UQCRH: variants seen among roughly 807,000 people sequenced by gnomAD.
The protein encoded by UQCRH is ubiquinol-cytochrome c reductase hinge protein.
In UQCRH, 14 loss-of-function variants were observed where a neutral mutation model predicts 16.3. The observed-to-expected ratio is 0.86, with a 90% CI of 0.57 to 1.34. UQCRH has a LOEUF of 1.34. Among genes scored for constraint, UQCRH ranks in the 40% most tolerant of loss-of-function variants. The pLI is 0.00. For synonymous variants in UQCRH, 41 were observed against 41.9 expected (o/e 0.98, Z 0.08); for missense variants, 89 against 111.9 (o/e 0.80, Z 0.92).
intron 1 of UQCRH, among the ~76,000 whole-genome samples, chr1:46,308,765 C>G (rs904098648): frequency 6.6e-6 from 1 of 152,166 alleles, no homozygotes; most frequent in Admixed American, 6.6e-5. Flanking sequence ...CACTTGAGCC[C>G]AGGAGTTTGT....
intron 3 of UQCRH, among the ~76,000 whole-genome samples, chr1:46,313,323 C>CT (rs1661515325): frequency 6.6e-6 from 1 of 151,900 alleles, no homozygotes. Context: ...AAAACCCTGT[C>CT]TTTACAAAAA....
At chr1:46,309,888 GT>G in intron 2 of UQCRH, 2 of 1,379,908 alleles carry the variant, frequency 1.4e-6, no homozygotes, top group East Asian at 2.9e-5. Flanking sequence ...TTACCACCTT[GT>G]TTTTCAGATA....
At chr1:46,313,719 A>C (rs1161693753) in intron 3 of UQCRH, among the ~76,000 whole-genome samples, 1 of 151,878 alleles carries the variant, frequency 6.6e-6, no homozygotes, top group Non-Finnish European at 1.5e-5. Flanking sequence ...TCACACCTGT[A>C]GTCCTAGCTA....
At chr1:46,314,179 G>A (rs1289431578) in intron 3 of UQCRH, among the ~76,000 whole-genome samples, 1 of 151,896 alleles carries the variant, frequency 6.6e-6, no homozygotes, top group Non-Finnish European at 1.5e-5. Context: ...AGACTATCCT[G>A]GCTAACACGG....
At chr1:46,305,886 C>T (rs1042277115) in intron 1 of UQCRH, among the ~76,000 whole-genome samples, 1 of 151,612 alleles carries the variant, frequency 6.6e-6, no homozygotes, top group South Asian at 2.1e-4. Flanking sequence ...CTCACTGCAA[C>T]CTCCGCTCCC....
At chr1:46,304,156 A>G (rs1478058614) in intron 1 of UQCRH, among the ~76,000 whole-genome samples, 1 of 152,126 alleles carries the variant, frequency 6.6e-6, no homozygotes, top group African/African-American at 2.4e-5. Flanking sequence ...TTGGGGAGCA[A>G]ACAGACCGCC....
chr1:46,316,055 A>AC (rs575180631), intron 3 of UQCRH, among the ~76,000 whole-genome samples: 1 of 151,966 alleles, frequency 6.6e-6, no homozygotes, highest in East Asian at 1.9e-4. Context: ...TATTAACTGA[A>AC]CCCCCCGCCC....
intron 1 of UQCRH, among the ~76,000 whole-genome samples, chr1:46,308,812 CTT>C (rs1308574187): frequency 6.6e-6 from 1 of 152,154 alleles, no homozygotes; most frequent in Non-Finnish European, 1.5e-5. Flanking sequence ...GACTCTGTCT[CTT>C]AAACAAAAGA....
At chr1:46,316,411 AC>A (rs1373125801) in intron 3 of UQCRH, 140 bp from the exon 4 acceptor site, 1 of 1,070,442 alleles carries the variant, frequency 9.3e-7, no homozygotes, top group African/African-American at 1.6e-5. Flanking sequence ...TGGGGAGTTC[AC>A]TAGGACTCAA....
At position 46,314,351 on chromosome 1, in the gene UQCRH, C is replaced by A. The variant is rs367877837; in HGVS notation, c.244-2201C>A. Among the ~76,000 whole-genome samples, 73 of 122,562 alleles carry A rather than the reference C, an allele frequency of 6.0e-4. 1 individual carries two copies. The East Asian group carries it at 0.013, about 22-fold the overall frequency. 80.4% of individuals were successfully genotyped at this position (122,562 alleles called of 152,430 possible). The stretch of plus-strand genomic sequence containing the variant: ...ACTGCACTTCAGCCTGGGTACAGAG[C>A]AAGACTCCGTCTCAAAAAAAAAAAA... On this transcript the variant is annotated intron_variant, in intron 3 of 3. Transcript: ENST00000311672.
intron 3 of UQCRH, among the ~76,000 whole-genome samples, chr1:46,313,246 C>A (rs1661513131): frequency 6.6e-6 from 1 of 152,166 alleles, no homozygotes; most frequent in Admixed American, 6.5e-5. Flanking sequence ...AATCGCAGAA[C>A]TTTGCGAGGT....
In UQCRH at chr1:46,308,679, A is replaced by G. The variant is rs1448960429; in HGVS notation, c.55-422A>G. 3.9e-5 allele frequency among the ~76,000 whole-genome samples: 6 copies of G among 152,132 alleles called. No homozygotes were observed. The East Asian group carries it at 1.2e-3, about 29-fold the overall frequency. ...TAATGAGACCTTGTCTCTACCACAA[A>G]GAAAATTTTTAAATTAGCCAGGCAT... On this transcript the variant is annotated intron_variant, in intron 1 of 3. Coordinates refer to ENST00000311672, the MANE Select transcript of UQCRH (RefSeq NM_006004.4).
intron 1 of UQCRH, among the ~76,000 whole-genome samples, chr1:46,304,030 A>G (rs1349480411): frequency 1.3e-5 from 2 of 152,230 alleles, no homozygotes; most frequent in East Asian, 3.8e-4. Flanking sequence ...CGGCTTCTGC[A>G]TTCTGTGAAT....
At chr1:46,313,707 GCTCAC>G (rs1661526739) in intron 3 of UQCRH, among the ~76,000 whole-genome samples, 1 of 151,794 alleles carries the variant, frequency 6.6e-6, no homozygotes, top group Non-Finnish European at 1.5e-5. Flanking sequence ...AGGCAAGCTG[GCTCAC>G]ACCTGTAGTC....
At position 46,316,771 on chromosome 1, in the gene UQCRH, T is replaced by C; in HGVS notation, c.*187T>C. On this transcript the variant is annotated 3_prime_UTR_variant, in exon 4 of 4. Transcript: ENST00000311672. ...CCATCTAAATAAAAGTTCTATGATC[T>C]GCAAACCTGCCCGTCTTTTTTTTTT... 2.7e-6 allele frequency: 2 copies of C among 733,496 alleles called. No homozygotes were observed. The highest frequency in any genetic ancestry group is 4.1e-6 in the Non-Finnish European group (2 of 491,876). The allele number at this position is 733,496 out of a possible 1,614,324, so 45.4% of individuals were successfully genotyped here. A position where few individuals can be genotyped will look rare whatever the true frequency, so the allele number is the denominator to read the frequency against.
chr1:46,316,415 G>A, intron 3 of UQCRH, 137 bp from the exon 4 acceptor site: 3 of 1,110,980 alleles, frequency 2.7e-6, no homozygotes, highest in Non-Finnish European at 1.3e-6. Flanking sequence ...GAGTTCACTA[G>A]GACTCAAGTG....
At chr1:46,314,761 C>T (rs907036818) in intron 3 of UQCRH, among the ~76,000 whole-genome samples, 1 of 151,674 alleles carries the variant, frequency 6.6e-6, no homozygotes, top group African/African-American at 2.4e-5. Flanking sequence ...TCAAGGAAGA[C>T]AAACATTGTA....
chr1:46,303,992 G>A (rs1329130366), intron 1 of UQCRH, among the ~76,000 whole-genome samples, 172 bp downstream of exon 1: 3 of 152,240 alleles, frequency 2.0e-5, no homozygotes, highest in Non-Finnish European at 2.9e-5. Flanking sequence ...ACTTTGGACA[G>A]ATAGATGACT....
At chr1:46,311,828 C>G (rs1661483856) in intron 3 of UQCRH, among the ~76,000 whole-genome samples, 1 of 151,504 alleles carries the variant, frequency 6.6e-6, no homozygotes, top group Non-Finnish European at 1.5e-5. Flanking sequence ...CGGGGTTTCA[C>G]TGTGTTAGCC....
Sources: allele counts gnomAD v4.1 joint callset (sites outside exome capture counted in the v4.1 genomes callset), GRCh38; gene constraint gnomAD v4.1.1; transcripts MANE v1.5; gene names NCBI Gene and HGNC (gene_info 2026-07-23, HGNC 2026-07-21).